The following KHDRBS2 variants were observed in gnomAD, a reference collection of about 807,000 sequenced individuals.
KHDRBS2 encodes the protein KH RNA binding domain containing, signal transduction associated 2, also known as KH domain-containing, RNA-binding, signal transduction-associated protein 2.
A neutral mutation model predicts 44.3 loss-of-function variants in KHDRBS2; 26 were observed. The observed-to-expected ratio is 0.59, with a 90% CI of 0.43 to 0.81. The LOEUF (loss-of-function observed/expected upper bound fraction) is 0.81. KHDRBS2 is among the 40% of genes least tolerant of loss of function. The probability of loss-of-function intolerance (pLI) is 0.00; values close to 1 mark genes in which losing one functional copy is unlikely to be tolerated. For synonymous variants in KHDRBS2, 194 were observed against 151.1 expected (o/e 1.28, Z -2.08); for missense variants, 476 against 433.1 (o/e 1.10, Z -0.88).
At chr6:62,155,894 T>C (rs1816262401) in intron 2 of KHDRBS2, among the ~76,000 whole-genome samples, 1 of 152,234 alleles carries the variant, frequency 6.6e-6, no homozygotes, top group African/African-American at 2.4e-5. Flanking sequence ...TGGAGTGTTC[T>C]GTCCTGCTGG....
intron 6 of KHDRBS2, among the ~76,000 whole-genome samples, chr6:61,798,172 C>T (rs1381796532): frequency 1.3e-5 from 2 of 152,096 alleles, no homozygotes; most frequent in Non-Finnish European, 2.9e-5. Context: ...GGAGAAATAT[C>T]TCATGCCACA....
At position 61,698,430 on chromosome 6, in the gene KHDRBS2, C is replaced by A. The variant is rs548847179; in HGVS notation, c.894-1177G>T. Among the ~76,000 whole-genome samples the A allele has an allele frequency of 2.6e-5, 4 of 152,190 alleles. No individual in the cohort carries two copies. The South Asian group carries it at 8.3e-4, about 32-fold the overall frequency. ...TTGCAAAATATATCCAGAATCTGAA[C>A]ACGTCTAAACATATCCACAGCTATC... is the stretch of plus-strand genomic sequence containing the variant. On this transcript the variant is annotated intron_variant, in intron 7 of 8. Coordinates refer to ENST00000281156, the MANE Select transcript of KHDRBS2 (RefSeq NM_152688.4).
chr6:61,877,488 C>T (rs557972890), intron 6 of KHDRBS2, among the ~76,000 whole-genome samples: 7 of 150,486 alleles, frequency 4.7e-5, no homozygotes, highest in Non-Finnish European at 7.4e-5. Flanking sequence ...TCCCACATTG[C>T]TTCCCTCCTT....
At chr6:62,134,828 T>C (rs572427538) in intron 2 of KHDRBS2, among the ~76,000 whole-genome samples, 10 of 152,232 alleles carry the variant, frequency 6.6e-5, no homozygotes, top group South Asian at 4.1e-4. Flanking sequence ...AGCATCTTCA[T>C]TTTGGCCAAT....
At chr6:61,937,008 T>C (rs1380128234) in intron 4 of KHDRBS2, among the ~76,000 whole-genome samples, 1 of 152,064 alleles carries the variant, frequency 6.6e-6, no homozygotes, top group African/African-American at 2.4e-5. Flanking sequence ...AAATATGTTT[T>C]CAAACAATAA....
chr6:62,028,587 C>A (rs1448662918), intron 3 of KHDRBS2, among the ~76,000 whole-genome samples: 3 of 152,030 alleles, frequency 2.0e-5, no homozygotes, highest in African/African-American at 7.2e-5. Context: ...ACTCTAAAGA[C>A]ACTGGTTTCC....
intron 6 of KHDRBS2, among the ~76,000 whole-genome samples, chr6:61,855,197 A>G (rs1173684173): frequency 6.6e-6 from 1 of 152,084 alleles, no homozygotes. Flanking sequence ...TTTGTAAATA[A>G]AGATTAATTC....
At chr6:61,560,224 A>G in the KHDRBS2 span, among the ~76,000 whole-genome samples, 2 of 152,154 alleles carry the variant, frequency 1.3e-5, no homozygotes, top group East Asian at 3.9e-4. Context: ...TTGTTAAAAA[A>G]TCAACGATCC....
intron 6 of KHDRBS2, among the ~76,000 whole-genome samples, chr6:61,826,153 A>AT (rs962089929): frequency 2.0e-5 from 3 of 152,034 alleles, no homozygotes; most frequent in Non-Finnish European, 2.9e-5. Flanking sequence ...GAACTGTGGC[A>AT]TTTTTTAGGG....
the KHDRBS2 span, among the ~76,000 whole-genome samples, chr6:61,655,060 G>A: frequency 6.6e-6 from 1 of 151,758 alleles, no homozygotes; most frequent in Non-Finnish European, 1.5e-5. Context: ...CGCTAACTGA[G>A]CCAGAGAAAG....
At chr6:62,175,686 A>C (rs912285182) in intron 2 of KHDRBS2, among the ~76,000 whole-genome samples, 1 of 151,650 alleles carries the variant, frequency 6.6e-6, no homozygotes, top group Non-Finnish European at 1.5e-5. Flanking sequence ...AAGAATAAGC[A>C]GTTTTATTGT....
chr6:61,644,105 A>G, the KHDRBS2 span, among the ~76,000 whole-genome samples: 21 of 152,272 alleles, frequency 1.4e-4, no homozygotes, highest in African/African-American at 4.8e-4. Context: ...ATGAAAGCAG[A>G]CACATAGACC....
intron 2 of KHDRBS2, among the ~76,000 whole-genome samples, chr6:62,169,968 AG>A (rs1819673021): frequency 6.6e-6 from 1 of 151,594 alleles, no homozygotes; most frequent in South Asian, 2.1e-4. Context: ...CTCAGCTAGC[AG>A]GTACAGCCTT....
chr6:62,172,097 T>C (rs1820128649), intron 2 of KHDRBS2, among the ~76,000 whole-genome samples: 2 of 152,100 alleles, frequency 1.3e-5, no homozygotes, highest in Non-Finnish European at 1.5e-5. Flanking sequence ...TGAATATAAA[T>C]GGGTGAAATG....
the KHDRBS2 span, among the ~76,000 whole-genome samples, chr6:61,582,834 A>G: frequency 2.0e-5 from 3 of 151,636 alleles, no homozygotes; most frequent in Non-Finnish European, 3.0e-5. Flanking sequence ...TGTATAATTT[A>G]TTTTATGCAT....
At chr6:62,177,093 ATATT>A in intron 2 of KHDRBS2, 88 bp downstream of exon 2, 1 of 799,138 alleles carries the variant, frequency 1.3e-6, no homozygotes, top group Non-Finnish European at 1.9e-6. Context: ...GAAGCTTCAA[ATATT>A]TATTTTATAA....
chr6:61,623,097 G>T, the KHDRBS2 span, among the ~76,000 whole-genome samples: 1 of 151,844 alleles, frequency 6.6e-6, no homozygotes, highest in Admixed American at 6.6e-5. Flanking sequence ...TCAATGAGGG[G>T]GCTGTTTTAC....
chr6:61,910,604 G>A (rs1805879458), intron 4 of KHDRBS2, among the ~76,000 whole-genome samples: 1 of 152,112 alleles, frequency 6.6e-6, no homozygotes, highest in South Asian at 2.1e-4. Flanking sequence ...CAGGAAGATT[G>A]GAAAGGCTTA....
At chr6:61,769,850 G>C (rs1582717167) in intron 6 of KHDRBS2, among the ~76,000 whole-genome samples, 1 of 152,178 alleles carries the variant, frequency 6.6e-6, no homozygotes, top group Admixed American at 6.5e-5. Flanking sequence ...GGTTCTCCCA[G>C]CACGCAGCTT....
Sources: allele counts gnomAD v4.1 joint callset (sites outside exome capture counted in the v4.1 genomes callset), GRCh38; gene constraint gnomAD v4.1.1; transcripts MANE v1.5; gene names NCBI Gene and HGNC (gene_info 2026-07-23, HGNC 2026-07-21).